KDM4C: variants seen among roughly 807,000 people sequenced by gnomAD.
The protein encoded by KDM4C is lysine-specific demethylase 4C.
In KDM4C, 81 loss-of-function variants were observed where a neutral mutation model predicts 129.3. The observed-to-expected ratio is 0.63, with a 90% CI of 0.52 to 0.75. KDM4C has a LOEUF of 0.75. Ranked by LOEUF, KDM4C falls within the 30% of genes least tolerant of loss-of-function variation. KDM4C has a pLI of 0.00. For synonymous variants in KDM4C, 573 were observed against 456.1 expected, an observed-to-expected ratio of 1.26 and a Z score of -3.26; for missense variants, 1,457 against 1,304.0, an observed-to-expected ratio of 1.12 and a Z score of -1.81.
At chr9:7,092,098 A>T (rs957368779) in intron 17 of KDM4C, among the ~76,000 whole-genome samples, 3 of 152,314 alleles carry the variant, frequency 2.0e-5, no homozygotes, top group African/African-American at 7.2e-5. Context: ...CTGATGTATT[A>T]TTACATTCTG....
At chr9:6,869,366 G>C (rs529068221) in intron 5 of KDM4C, among the ~76,000 whole-genome samples, 5 of 152,180 alleles carry the variant, frequency 3.3e-5, no homozygotes, top group Non-Finnish European at 2.9e-5. Flanking sequence ...TCTCCAGGCC[G>C]TACTCTTAGA....
chr9:7,038,376 C>G (rs1489563064), intron 15 of KDM4C, among the ~76,000 whole-genome samples: 1 of 151,994 alleles, frequency 6.6e-6, no homozygotes, highest in Non-Finnish European at 1.5e-5. Flanking sequence ...GTATTATAAT[C>G]TGGTGTTATG....
chr9:6,868,087 T>G (rs1259346183), intron 5 of KDM4C, among the ~76,000 whole-genome samples: 2 of 151,920 alleles, frequency 1.3e-5, no homozygotes, highest in African/African-American at 2.4e-5. Context: ...ATGGATGAAA[T>G]GTGTGGTGAG....
chr9:6,975,618 A>T (rs532016022), intron 8 of KDM4C, among the ~76,000 whole-genome samples: 1 of 152,160 alleles, frequency 6.6e-6, no homozygotes, highest in Non-Finnish European at 1.5e-5. Flanking sequence ...CTTATTCTCT[A>T]GGCACCTAGA....
chr9:7,103,935 C>T lies in KDM4C; in HGVS notation c.2610+65C>T, dbSNP rs1016255819. 3.0e-5 allele frequency: 42 copies of T among 1,397,756 alleles called. No homozygotes were observed. In the African/African-American group the frequency reaches 5.0e-4, roughly 17 times the overall value. 86.6% of individuals were successfully genotyped at this position (1,397,756 alleles called of 1,614,324 possible). ...CTGGATTTTCTCCTGTTTTAGACTA[C>T]CTCCCAGACATAATGTGCTTTATTC... is the stretch of plus-strand genomic sequence containing the variant. On this transcript the variant is annotated intron_variant, in intron 18 of 21. Coordinates refer to ENST00000381309, the MANE Select transcript of KDM4C (RefSeq NM_015061.6).
chr9:7,092,177 C>T (rs1835885440), intron 17 of KDM4C, among the ~76,000 whole-genome samples: 1 of 152,070 alleles, frequency 6.6e-6, no homozygotes, highest in Non-Finnish European at 1.5e-5. Flanking sequence ...TTTGTGATGC[C>T]TCTTTTTGTT....
chr9:6,873,941 CGAGAGAGAGAGA>C (rs61477112), intron 5 of KDM4C, among the ~76,000 whole-genome samples: 13 of 132,162 alleles, frequency 9.8e-5, no homozygotes, highest in Non-Finnish European at 1.9e-4. Flanking sequence ...TGAGAGAGAG[CGAGAGAGAGAGA>C]GAGAGAGAGA....
chr9:6,955,832 G>A (rs531460185), intron 8 of KDM4C, among the ~76,000 whole-genome samples: 7 of 152,234 alleles, frequency 4.6e-5, no homozygotes, highest in Admixed American at 1.3e-4. Flanking sequence ...GTCACTAACC[G>A]CAGATGGAAC....
chr9:7,129,359 ACCT>A (rs1840371213), intron 19 of KDM4C, among the ~76,000 whole-genome samples: 1 of 152,162 alleles, frequency 6.6e-6, no homozygotes. Context: ...AACAAAAGTG[ACCT>A]TATTTGAAAG....
intron 19 of KDM4C, among the ~76,000 whole-genome samples, chr9:7,133,927 G>T (rs1188226296): frequency 6.6e-6 from 1 of 152,208 alleles, no homozygotes. Flanking sequence ...AGGTGTCCTA[G>T]ATGTTCAGGT....
intron 1 of KDM4C, among the ~76,000 whole-genome samples, chr9:6,725,577 T>G (rs1365475503): frequency 6.6e-6 from 1 of 152,150 alleles, no homozygotes; most frequent in Non-Finnish European, 1.5e-5. Context: ...AACCTCTGTC[T>G]CCCCGGATCA....
chr9:6,954,335 A>AGAGTG (rs1828698592), intron 8 of KDM4C, among the ~76,000 whole-genome samples: 3 of 152,144 alleles, frequency 2.0e-5, no homozygotes, highest in Admixed American at 2.0e-4. Context: ...TGTTCCTGGA[A>AGAGTG]GAGTGGGGCT....
chr9:7,157,582 G>T (rs529615520), intron 19 of KDM4C, among the ~76,000 whole-genome samples: 2 of 152,064 alleles, frequency 1.3e-5, no homozygotes, highest in East Asian at 3.8e-4. Context: ...GAATTTTGTC[G>T]AAGGCCTTTT....
chr9:6,728,242 C>T (rs1198354757), intron 1 of KDM4C, among the ~76,000 whole-genome samples: 1 of 152,158 alleles, frequency 6.6e-6, no homozygotes, highest in Non-Finnish European at 1.5e-5. Context: ...GTATTAAAAA[C>T]CAAGTATTCT....
intron 6 of KDM4C, among the ~76,000 whole-genome samples, chr9:6,885,122 C>G (rs1316205972): frequency 6.6e-6 from 1 of 152,150 alleles, no homozygotes; most frequent in African/African-American, 2.4e-5. Context: ...CCACTGTTAT[C>G]AACATGTAAC....
intron 12 of KDM4C, among the ~76,000 whole-genome samples, chr9:6,995,903 C>T (rs980603413): frequency 9.2e-5 from 14 of 152,112 alleles, no homozygotes; most frequent in Admixed American, 2.0e-4. Flanking sequence ...GATCTGACCT[C>T]GTGATCTGCC....
chr9:6,843,746 T>C (rs1837384657), intron 4 of KDM4C, among the ~76,000 whole-genome samples: 1 of 152,224 alleles, frequency 6.6e-6, no homozygotes, highest in African/African-American at 2.4e-5. Flanking sequence ...AATTCTTCAT[T>C]CCATTTTACT....
chr9:6,905,063 A>T (rs968934639), intron 8 of KDM4C, among the ~76,000 whole-genome samples: 3 of 152,266 alleles, frequency 2.0e-5, no homozygotes, highest in African/African-American at 7.2e-5. Flanking sequence ...CAGAGAGCAG[A>T]TGGTGCTTAA....
chr9:6,989,248 G>A (rs546468231), intron 11 of KDM4C, among the ~76,000 whole-genome samples: 1 of 152,266 alleles, frequency 6.6e-6, no homozygotes, highest in South Asian at 2.1e-4. Flanking sequence ...TGGAGTCAGA[G>A]GCCAGAGTAG....
Sources: allele counts gnomAD v4.1 joint callset (sites outside exome capture counted in the v4.1 genomes callset), GRCh38; gene constraint gnomAD v4.1.1; transcripts MANE v1.5; gene names NCBI Gene and HGNC (gene_info 2026-07-23, HGNC 2026-07-21).